ZNF385D: variants seen among roughly 807,000 people sequenced by gnomAD.
ZNF385D encodes the protein zinc finger protein 659.
A neutral mutation model predicts 35.8 loss-of-function variants in ZNF385D; 15 were observed. That is an observed-to-expected ratio of 0.42 (90% CI 0.28 to 0.64). ZNF385D has a LOEUF of 0.64. Among genes scored for constraint, ZNF385D ranks in the 30% least tolerant of loss-of-function variants. The probability of loss-of-function intolerance (pLI) is 0.23; values close to 1 mark genes in which losing one functional copy is unlikely to be tolerated. For missense variants in ZNF385D, 474 were observed against 494.6 expected (o/e 0.96, Z 0.39); for synonymous variants, 212 against 186.8 (o/e 1.13, Z -1.10).
intron 2 of ZNF385D, among the ~76,000 whole-genome samples, chr3:22,355,887 A>C (rs565969963): frequency 6.6e-6 from 1 of 152,104 alleles, no homozygotes; most frequent in East Asian, 1.9e-4. Context: ...CAGGTCATAA[A>C]AATATAGAAG....
At chr3:21,816,464 T>C (rs2073153587) in intron 3 of ZNF385D, among the ~76,000 whole-genome samples, 1 of 152,184 alleles carries the variant, frequency 6.6e-6, no homozygotes, top group Admixed American at 6.5e-5. Context: ...CTTAAGCTGT[T>C]AAGCAACTTC....
At chr3:21,834,898 A>G (rs548410680) in intron 3 of ZNF385D, among the ~76,000 whole-genome samples, 7 of 152,126 alleles carry the variant, frequency 4.6e-5, no homozygotes, top group Admixed American at 6.6e-5. Context: ...ACCTTCCACC[A>G]TGATAGTAAG....
intron 4 of ZNF385D, among the ~76,000 whole-genome samples, chr3:21,474,720 C>A (rs1310353352): frequency 1.3e-5 from 2 of 152,192 alleles, no homozygotes; most frequent in Admixed American, 6.6e-5. Flanking sequence ...CAAATATTTT[C>A]TAGTCAAAAT....
chr3:21,766,741 A>G (rs1362315911), intron 3 of ZNF385D, among the ~76,000 whole-genome samples: 2 of 152,118 alleles, frequency 1.3e-5, no homozygotes, highest in African/African-American at 4.8e-5. Context: ...CAGATGGAGC[A>G]AAGGGAGAAT....
chr3:21,428,947 C>CTTTTTT (rs1575127423), intron 5 of ZNF385D, among the ~76,000 whole-genome samples: 1 of 53,336 alleles, frequency 1.9e-5, no homozygotes. Flanking sequence ...TTTTTTTTTG[C>CTTTTTT]TTTCTGCTTA....
chr3:21,586,208 A>C (rs886906074), intron 2 of ZNF385D, among the ~76,000 whole-genome samples: 3 of 152,136 alleles, frequency 2.0e-5, no homozygotes, highest in African/African-American at 7.2e-5. Flanking sequence ...TCTGTCCCTA[A>C]GGGGAAAAAA....
chr3:21,769,575 G>C (rs6780308), intron 3 of ZNF385D, among the ~76,000 whole-genome samples: 3,755 of 62,128 alleles, frequency 0.06, 241 homozygotes, highest in East Asian at 0.16. Context: ...CACTGCTCAA[G>C]GAAATAAAAG....
At chr3:22,293,683 TCTTA>T in intron 2 of ZNF385D, among the ~76,000 whole-genome samples, 1 of 152,226 alleles carries the variant, frequency 6.6e-6, no homozygotes, top group African/African-American at 2.4e-5. Context: ...GACTCCCAGC[TCTTA>T]CTTCCCCGTG....
chr3:22,095,562 T>C (rs1182825007), intron 3 of ZNF385D, among the ~76,000 whole-genome samples: 2 of 152,048 alleles, frequency 1.3e-5, no homozygotes, highest in Admixed American at 1.3e-4. Context: ...GAAATTCCTG[T>C]ATAAAAATGC....
At chr3:21,996,732 C>G (rs1695489946) in intron 3 of ZNF385D, among the ~76,000 whole-genome samples, 1 of 152,060 alleles carries the variant, frequency 6.6e-6, no homozygotes, top group Admixed American at 6.5e-5. Flanking sequence ...TTTTCTTTGC[C>G]AAGAATAGGA....
intron 2 of ZNF385D, among the ~76,000 whole-genome samples, chr3:22,298,811 A>G (rs1486770164): frequency 2.0e-5 from 3 of 151,648 alleles, no homozygotes; most frequent in Non-Finnish European, 4.4e-5. Flanking sequence ...TAAATTGTTT[A>G]TCTTTATTTA....
intron 2 of ZNF385D, among the ~76,000 whole-genome samples, chr3:21,623,981 G>A (rs1035726158): frequency 6.6e-6 from 1 of 152,060 alleles, no homozygotes; most frequent in Non-Finnish European, 1.5e-5. Flanking sequence ...AAAGGGAATG[G>A]CTTTATGACG....
At chr3:21,691,020 G>A (rs2067266098) in intron 1 of ZNF385D, among the ~76,000 whole-genome samples, 1 of 152,070 alleles carries the variant, frequency 6.6e-6, no homozygotes, top group Non-Finnish European at 1.5e-5. Flanking sequence ...GTCCCTGAAT[G>A]TTGTCCAGTC....
At chr3:21,978,013 C>A (rs1460632126) in intron 3 of ZNF385D, among the ~76,000 whole-genome samples, 1 of 152,160 alleles carries the variant, frequency 6.6e-6, no homozygotes, top group Admixed American at 6.5e-5. Context: ...GAACTAGATA[C>A]ACCAGATATT....
At chr3:22,043,664 C>A (rs972211815) in intron 3 of ZNF385D, among the ~76,000 whole-genome samples, 1 of 124,654 alleles carries the variant, frequency 8.0e-6, no homozygotes, top group Admixed American at 7.6e-5. Flanking sequence ...AGATGCCCCA[C>A]CAGTGACCCT....
At chr3:22,168,949 T>C in exon 3 of ZNF385D, 1 of 985,854 alleles carries the variant, frequency 1.0e-6, no homozygotes. Context: ...GTAAAGTTGG[T>C]ATGTTTCTTT....
intron 3 of ZNF385D, among the ~76,000 whole-genome samples, chr3:21,845,388 G>A (rs185942604): frequency 2.0e-5 from 3 of 152,060 alleles, no homozygotes; most frequent in East Asian, 3.9e-4. Context: ...TAGCTCCTAC[G>A]ACTAACGCTA....
intron 2 of ZNF385D, among the ~76,000 whole-genome samples, chr3:22,211,714 G>A (rs1399049990): frequency 6.6e-6 from 1 of 151,960 alleles, no homozygotes; most frequent in Non-Finnish European, 1.5e-5. Flanking sequence ...GGATGATGGT[G>A]GGGCAGAGAG....
chr3:22,096,455 T>C (rs1701638732), intron 3 of ZNF385D, among the ~76,000 whole-genome samples: 1 of 152,042 alleles, frequency 6.6e-6, no homozygotes, highest in Non-Finnish European at 1.5e-5. Context: ...TTGGCTATAG[T>C]CAAAATTTGA....
Sources: allele counts gnomAD v4.1 joint callset (sites outside exome capture counted in the v4.1 genomes callset), GRCh38; gene constraint gnomAD v4.1.1; transcripts MANE v1.5; gene names NCBI Gene and HGNC (gene_info 2026-07-23, HGNC 2026-07-21).